Variants in MACO1 observed in about 807,000 individuals in gnomAD.
The protein encoded by MACO1 is macoilin 1.
MACO1 carries 14 observed loss-of-function variants against 78.7 expected under a neutral mutation model. The ratio of observed to expected loss-of-function variants is 0.18; its 90% CI spans 0.12 to 0.28. The LOEUF (loss-of-function observed/expected upper bound fraction) is 0.28, where lower values mean the gene tolerates loss of function less well. Among genes scored for constraint, MACO1 ranks in the 10% least tolerant of loss-of-function variants. The pLI is 1.00. For missense variants in MACO1, 501 were observed against 799.0 expected, an observed-to-expected ratio of 0.63 and a Z score of 4.50; for synonymous variants, 288 against 291.6, an observed-to-expected ratio of 0.99 and a Z score of 0.12.
intron 3 of MACO1, 82 bp from the exon 4 acceptor site, chr1:25,454,177 C>T (rs34006994): frequency 0.45 from 609,381 of 1,353,656 alleles, 142,318 homozygotes; most frequent in East Asian, 0.69. Flanking sequence ...AAGTTACTGT[C>T]GTCAAATTAG....
chr1:25,466,775 A>C (rs2043223352), intron 6 of MACO1, among the ~76,000 whole-genome samples: 1 of 152,196 alleles, frequency 6.6e-6, no homozygotes, highest in Admixed American at 6.5e-5. Context: ...TATAGAGCAG[A>C]AATTTTTATT....
intron 1 of MACO1, among the ~76,000 whole-genome samples, chr1:25,442,763 A>T (rs2042983505): frequency 6.6e-6 from 1 of 152,214 alleles, no homozygotes; most frequent in Admixed American, 6.5e-5. Flanking sequence ...ACCACCATTA[A>T]GCCTAACAAT....
intron 6 of MACO1, among the ~76,000 whole-genome samples, chr1:25,471,616 T>C (rs1238670417): frequency 6.6e-6 from 1 of 152,154 alleles, no homozygotes; most frequent in African/African-American, 2.4e-5. Context: ...AGTAAATACT[T>C]GTTGAATTAA....
intron 1 of MACO1, among the ~76,000 whole-genome samples, chr1:25,432,538 C>G (rs1375719625): frequency 6.6e-6 from 1 of 152,160 alleles, no homozygotes; most frequent in Non-Finnish European, 1.5e-5. Context: ...CTGGATGAAT[C>G]GAACTTGACC....
rs2043398738 is a variant in MACO1 at position 25,483,459 on chromosome 1, G to C, written c.1155-657G>C. On this transcript the variant is annotated intron_variant, in intron 6 of 10. Transcript: ENST00000374343. ...AGTAAAGAAAATAGATGGAACAAGA[G>C]TAAGGAATTGACGAGAAAAGATAGG... 2.0e-5 allele frequency among the ~76,000 whole-genome samples: 3 copies of C among 152,366 alleles called. No individual in the cohort carries two copies. In the South Asian group the frequency reaches 6.2e-4, roughly 32 times the overall value.
At chr1:25,498,180 G>A (rs2043554295) in intron 10 of MACO1, 84 bp from the exon 11 acceptor site, 12 of 1,421,912 alleles carry the variant, frequency 8.4e-6, no homozygotes, top group South Asian at 2.5e-5. Flanking sequence ...ACACTGAACC[G>A]AATCTACTTA....
chr1:25,475,965 A>G lies in MACO1; in HGVS notation c.1155-8151A>G, dbSNP rs578188437. ...TTTAATTTTTTAATGACAATCAAATATGAATGTACTGTAATTTAGCCACCC... is the reference window on the plus strand; with the variant it reads ...TTTAATTTTTTAATGACAATCAAATGTGAATGTACTGTAATTTAGCCACCC... On this transcript the variant is annotated intron_variant, in intron 6 of 10. Transcript: ENST00000374343. 5.3e-5 allele frequency among the ~76,000 whole-genome samples: 8 copies of G among 152,324 alleles called. No individual in the cohort carries two copies. The East Asian group carries it at 1.2e-3, about 22-fold the overall frequency.
At chr1:25,434,412 C>T (rs1283399499) in intron 1 of MACO1, among the ~76,000 whole-genome samples, 2 of 152,144 alleles carry the variant, frequency 1.3e-5, no homozygotes, top group Non-Finnish European at 2.9e-5. Context: ...GAAGTGCCTA[C>T]GTTGTTCAGG....
intron 1 of MACO1, among the ~76,000 whole-genome samples, chr1:25,440,189 A>G (rs1047745825): frequency 2.1e-5 from 3 of 145,578 alleles, no homozygotes; most frequent in Admixed American, 7.0e-5. Flanking sequence ...GGATCTTGCT[A>G]TGTTGACCAA....
Position 25,430,962 on chromosome 1 carries a change from C to G in MACO1, c.-137C>G, listed in dbSNP as rs961150320. ...CCCCCTCCCCGTGCTACCCCCTCCC[C>G]CCGGGTGCTGGCTCCATGTCTGTGT... On this transcript the variant is annotated 5_prime_UTR_variant, in exon 1 of 11. Transcript: ENST00000374343. The G allele has an allele frequency of 5.4e-5, 27 of 503,762 alleles. 1 individual carries two copies. The East Asian group carries it at 9.8e-4, about 18-fold the overall frequency. 31.2% of individuals were successfully genotyped at this position (503,762 alleles called of 1,614,324 possible).
chr1:25,450,980 A>G (rs1435346286), intron 3 of MACO1, among the ~76,000 whole-genome samples: 1 of 152,230 alleles, frequency 6.6e-6, no homozygotes, highest in Non-Finnish European at 1.5e-5. Context: ...TGGAGAAGAA[A>G]CTAACCATAT....
intron 6 of MACO1, among the ~76,000 whole-genome samples, chr1:25,475,269 C>T (rs112051702): frequency 0.033 from 5,051 of 152,118 alleles, 88 homozygotes; most frequent in Non-Finnish European, 0.042. Flanking sequence ...GGCATGAACC[C>T]GGGAGGCAGA....
At chr1:25,486,059 G>A (rs1256121386) in intron 8 of MACO1, among the ~76,000 whole-genome samples, 5 of 152,176 alleles carry the variant, frequency 3.3e-5, no homozygotes, top group Non-Finnish European at 7.3e-5. Context: ...GCAAAGTACT[G>A]CTCATAAAAA....
At chr1:25,463,570 A>G (rs1168503642) in intron 6 of MACO1, among the ~76,000 whole-genome samples, 1 of 152,264 alleles carries the variant, frequency 6.6e-6, no homozygotes, top group Non-Finnish European at 1.5e-5. Flanking sequence ...AATTCTAGTC[A>G]AAAACAGAAA....
In MACO1 at chr1:25,446,796, G is replaced by T; in HGVS notation, c.115G>T (p.Ala39Ser). 6.2e-7 allele frequency: 1 copy of T among 1,613,052 alleles called. No homozygotes were observed. Among genetic ancestry groups the T allele is most frequent in the Non-Finnish European group, 8.5e-7 (1 of 1,179,552 alleles). The change falls in exon 2 of 11, where the codon GCA becomes TCA. Residue 39 changes from alanine (A) to serine (S), a missense_variant. Around this residue, in one of 5 missense-constraint regions of MACO1, gnomAD observed 171 missense variants for 292.1 expected, o/e 0.59. Coordinates refer to ENST00000374343, the MANE Select transcript of MACO1 (RefSeq NM_018202.6). The stretch of plus-strand genomic sequence containing the variant: ...ATACCTGAAATTCCTGGTGGTGTGG[G>T]CACTTGTCCTCCTAGCAGATTTTGT... ...FLYLKFLVVW[A>S]LVLLADFVLE... is the part of the protein sequence containing the mutation.
At chr1:25,459,366 C>G (rs1283283802) in intron 6 of MACO1, among the ~76,000 whole-genome samples, 2 of 152,020 alleles carry the variant, frequency 1.3e-5, no homozygotes, top group Non-Finnish European at 2.9e-5. Flanking sequence ...TATGAATTAT[C>G]CTAGATAACT....
intron 6 of MACO1, among the ~76,000 whole-genome samples, chr1:25,469,302 T>C (rs906039466): frequency 1.3e-5 from 2 of 152,256 alleles, no homozygotes; most frequent in African/African-American, 4.8e-5. Flanking sequence ...TAGTATTGTG[T>C]TGTCTGTGAT....
chr1:25,441,910 C>CT (rs1444230399), intron 1 of MACO1, among the ~76,000 whole-genome samples: 3 of 152,168 alleles, frequency 2.0e-5, no homozygotes, highest in Non-Finnish European at 4.4e-5. Flanking sequence ...GACAGTCAAC[C>CT]ATTTGGTGAT....
At chr1:25,497,642 A>C (rs1005300358) in intron 10 of MACO1, among the ~76,000 whole-genome samples, 1 of 152,200 alleles carries the variant, frequency 6.6e-6, no homozygotes, top group African/African-American at 2.4e-5. Context: ...TGTGGGTCAC[A>C]CTAGCGTTCC....
Sources: allele counts gnomAD v4.1 joint callset (sites outside exome capture counted in the v4.1 genomes callset), GRCh38; gene constraint gnomAD v4.1.1; regional missense constraint gnomAD v4.1.1; transcripts MANE v1.5; gene names NCBI Gene and HGNC (gene_info 2026-07-23, HGNC 2026-07-21).